Variants in NRK observed in about 807,000 individuals in gnomAD.
NRK encodes nik-related protein kinase.
A neutral mutation model predicts 125.2 loss-of-function variants in NRK; 67 were observed. That is an observed-to-expected ratio of 0.54 (90% CI 0.44 to 0.66). NRK has a LOEUF of 0.66. Ranked by LOEUF, NRK falls within the 30% of genes least tolerant of loss-of-function variation. The pLI is 0.00. For synonymous variants in NRK, 458 were observed against 429.0 expected (o/e 1.07, Z -0.84); for missense variants, 1,224 against 1,192.9 (o/e 1.03, Z -0.38).
chrX:105,940,004 G>C lies in NRK; in HGVS notation c.3930G>C (p.Lys1310Asn), dbSNP rs1220155009. 3 of 1,188,017 alleles carry C rather than the reference G, an allele frequency of 2.5e-6. No homozygotes were observed. The highest frequency in any genetic ancestry group is 3.7e-5 in the South Asian group (2 of 54,085). The change falls in exon 23 of 29, where the codon AAG (lysine) becomes AAC (asparagine). Residue 1310 changes from lysine (K) to asparagine (N), a missense_variant. Lys to Asn is a moderately conservative substitution (Grantham distance 94). Transcript: ENST00000243300. ...KTEEACKAIDKLTGCEHFSVL... is the reference protein window; with the variant it reads ...KTEEACKAIDNLTGCEHFSVL... ...AGGAAGCCTGCAAAGCTATTGATAA[G>C]TTAACAGGCTGTGAACACTTCAGTG...
intron 2 of NRK, among the ~76,000 whole-genome samples, chrX:105,850,319 C>T (rs746536587): frequency 1.2e-4 from 13 of 111,688 alleles, no homozygotes; most frequent in African/African-American, 4.2e-4. Flanking sequence ...ACCCTGGGCC[C>T]AGTCCACAAA....
intron 20 of NRK, 127 bp downstream of exon 20, chrX:105,934,571 G>T (rs2040636827): frequency 2.3e-6 from 1 of 430,815 alleles, no homozygotes; most frequent in Non-Finnish European, 3.9e-6. Context: ...AATTCAGATT[G>T]ATATATGCTT....
chrX:105,875,619 G>GC (rs1602630192), intron 2 of NRK, among the ~76,000 whole-genome samples: 1 of 110,336 alleles, frequency 9.1e-6, no homozygotes, highest in Non-Finnish European at 1.9e-5. Context: ...TTGACCTATT[G>GC]CCCCCCAAAT....
At chrX:105,918,622 T>G (rs1025576442) in intron 16 of NRK, among the ~76,000 whole-genome samples, 1 of 110,669 alleles carries the variant, frequency 9.0e-6, no homozygotes, top group Non-Finnish European at 1.9e-5. Flanking sequence ...TTTAAAAATT[T>G]TTTCCCAGAG....
intron 26 of NRK, among the ~76,000 whole-genome samples, chrX:105,946,864 T>C (rs755876484): frequency 3.3e-4 from 37 of 112,083 alleles, no homozygotes; most frequent in African/African-American, 1.1e-3. Flanking sequence ...CTCTACATTC[T>C]CTACCCATTT....
intron 2 of NRK, among the ~76,000 whole-genome samples, chrX:105,835,554 C>G (rs1336420074): frequency 1.8e-5 from 2 of 110,270 alleles, no homozygotes; most frequent in Non-Finnish European, 3.8e-5. Flanking sequence ...TATCCTTTCC[C>G]TCTTCTAGTG....
chrX:105,887,386 C>G (rs1204953478), intron 4 of NRK, among the ~76,000 whole-genome samples: 1 of 112,077 alleles, frequency 8.9e-6, no homozygotes, highest in East Asian at 2.8e-4. Flanking sequence ...GACACCACTT[C>G]ACACCCACTA....
upstream of NRK, among the ~76,000 whole-genome samples, chrX:105,822,008 G>T (rs1249102690): frequency 8.9e-6 from 1 of 112,507 alleles, no homozygotes; most frequent in African/African-American, 3.2e-5. Context: ...ATAGGTGCTC[G>T]CCTAGGACTG....
At chrX:105,823,688 G>C (rs1045922742) in intron 1 of NRK, among the ~76,000 whole-genome samples, 2 of 111,492 alleles carry the variant, frequency 1.8e-5, no homozygotes, top group Admixed American at 9.5e-5. Context: ...GTAATTAGTA[G>C]ACTTATTATT....
intron 2 of NRK, among the ~76,000 whole-genome samples, chrX:105,861,288 C>T (rs895769236): frequency 2.1e-4 from 23 of 112,121 alleles, no homozygotes; most frequent in Admixed American, 1.1e-3. Flanking sequence ...TAAATCCATT[C>T]AGATCATTTG....
intron 24 of NRK, among the ~76,000 whole-genome samples, chrX:105,945,472 A>G (rs922884259): frequency 4.5e-5 from 5 of 112,020 alleles, no homozygotes; most frequent in Admixed American, 2.8e-4. Context: ...GACTGTATAT[A>G]CAGTCTGAGT....
rs1392115279 is a variant in NRK at position 105,945,964 on chromosome X, A to G, written c.4152A>G (p.Pro1384=). The G allele has an allele frequency of 8.3e-7, 1 of 1,210,656 alleles. No individual in the cohort carries two copies. Among genetic ancestry groups the G allele is most frequent in the Middle Eastern group, 2.3e-4 (1 of 4,351 alleles). The change falls in exon 25 of 29, where the codon CCA becomes CCG. Residue 1384 remains proline (P), a synonymous_variant. Transcript: ENST00000243300. ...RILAKIQAAD[P]VNRFKRPDEL... is the part of the protein sequence containing the mutation. ...TGGCAAAAATACAGGCAGCTGATCC[A>G]GTGAACCGGTTTAAGAGACCAGATG...
At chrX:105,826,264 C>CAT (rs1280523014) in intron 1 of NRK, among the ~76,000 whole-genome samples, 2 of 67,447 alleles carry the variant, frequency 3.0e-5, no homozygotes, top group Non-Finnish European at 5.0e-5. Flanking sequence ...ATATATATTT[C>CAT]ATATATAATA....
At chrX:105,943,757 C>T (rs946299899) in intron 23 of NRK, among the ~76,000 whole-genome samples, 184 bp from the exon 24 acceptor site, 10 of 112,035 alleles carry the variant, frequency 8.9e-5, no homozygotes, top group Admixed American at 2.8e-4. Context: ...ATGTATACTC[C>T]ATAAAACTAT....
chrX:105,847,456 T>A (rs1386450391), intron 2 of NRK, among the ~76,000 whole-genome samples: 2 of 112,607 alleles, frequency 1.8e-5, no homozygotes, highest in Non-Finnish European at 3.8e-5. Flanking sequence ...TTCTAGTAGC[T>A]AGCTTTTTAT....
intron 23 of NRK, among the ~76,000 whole-genome samples, chrX:105,941,012 T>C (rs2040733138): frequency 9.0e-6 from 1 of 111,654 alleles, no homozygotes; most frequent in African/African-American, 3.3e-5. Flanking sequence ...ATAAATACAC[T>C]AGTTTCTTCC....
chrX:105,860,740 T>C (rs1307663107), intron 2 of NRK, among the ~76,000 whole-genome samples: 1 of 110,625 alleles, frequency 9.0e-6, no homozygotes, highest in Non-Finnish European at 1.9e-5. Context: ...AAAACTGCAA[T>C]TACTTTTGCA....
At chrX:105,941,088 G>T (rs1378187581) in intron 23 of NRK, among the ~76,000 whole-genome samples, 12 of 111,713 alleles carry the variant, frequency 1.1e-4, no homozygotes, top group Non-Finnish European at 1.5e-4. Flanking sequence ...ACAGGTGAAA[G>T]ATATCCCCAG....
At chrX:105,933,399 T>A (rs1459608222) in intron 19 of NRK, among the ~76,000 whole-genome samples, 2 of 111,932 alleles carry the variant, frequency 1.8e-5, no homozygotes, top group African/African-American at 3.2e-5. Context: ...TAAAAACCAG[T>A]CTTTTGCAGA....
Sources: gnomAD v4.1 joint callset for allele counts (sites outside exome capture counted in the v4.1 genomes callset) on GRCh38, gnomAD v4.1.1 for gene constraint, MANE v1.5 for transcripts, NCBI Gene and HGNC (gene_info 2026-07-23, HGNC 2026-07-21) for gene names.